The following CSNK1G1 variants were observed in gnomAD, a reference collection of about 807,000 sequenced individuals.
CSNK1G1 encodes the protein casein kinase I isoform gamma-1.
In CSNK1G1, 22 loss-of-function variants were observed where a neutral mutation model predicts 59.6. The ratio of observed to expected loss-of-function variants is 0.37; its 90% CI spans 0.26 to 0.53. The LOEUF (loss-of-function observed/expected upper bound fraction) is 0.53. CSNK1G1 is among the 20% of genes least tolerant of loss of function. The pLI is 0.89. For synonymous variants in CSNK1G1, 179 were observed against 177.1 expected (o/e 1.01, Z -0.08); for missense variants, 384 against 519.5 (o/e 0.74, Z 2.54).
intron 1 of CSNK1G1, among the ~76,000 whole-genome samples, chr15:64,335,119 C>T (rs950078744): frequency 1.3e-5 from 2 of 152,196 alleles, no homozygotes; most frequent in African/African-American, 4.8e-5. Context: ...CATTTCAGAA[C>T]ACATCCTGTG....
At chr15:64,273,367 T>C (rs950513371) in intron 2 of CSNK1G1, among the ~76,000 whole-genome samples, 1 of 152,140 alleles carries the variant, frequency 6.6e-6, no homozygotes, top group Non-Finnish European at 1.5e-5. Context: ...AGAAAGAAGA[T>C]GAATAAAATG....
intron 1 of CSNK1G1, among the ~76,000 whole-genome samples, chr15:64,322,864 T>C (rs566836101): frequency 6.6e-6 from 1 of 151,748 alleles, no homozygotes; most frequent in East Asian, 1.9e-4. Flanking sequence ...ATTATAAAAT[T>C]TAAGATAGAG....
chr15:64,243,655 C>G (rs1438276900), intron 4 of CSNK1G1, among the ~76,000 whole-genome samples: 1 of 152,142 alleles, frequency 6.6e-6, no homozygotes, highest in African/African-American at 2.4e-5. Context: ...AATCCTAAAA[C>G]TGCCACCAAA....
At chr15:64,338,069 A>G (rs1327499940) in intron 1 of CSNK1G1, among the ~76,000 whole-genome samples, 1 of 152,222 alleles carries the variant, frequency 6.6e-6, no homozygotes, top group Non-Finnish European at 1.5e-5. Flanking sequence ...AAGGTACTGT[A>G]CAAACATCTG....
At chr15:64,198,908 C>T (rs1041949881) in intron 10 of CSNK1G1, among the ~76,000 whole-genome samples, 1 of 151,710 alleles carries the variant, frequency 6.6e-6, no homozygotes, top group African/African-American at 2.4e-5. Flanking sequence ...TTTACATCAA[C>T]GTGAAGGAAT....
intron 1 of CSNK1G1, among the ~76,000 whole-genome samples, chr15:64,307,803 C>T (rs536285424): frequency 8.5e-5 from 13 of 152,318 alleles, no homozygotes; most frequent in African/African-American, 2.9e-4. Context: ...TCTCCTGCCT[C>T]AGCCTCCTGA....
chr15:64,185,861 CG>C (rs1302121840), intron 10 of CSNK1G1, among the ~76,000 whole-genome samples: 1 of 118,980 alleles, frequency 8.4e-6, no homozygotes, highest in Non-Finnish European at 1.7e-5. Flanking sequence ...GACTCCATCT[CG>C]AAAAAAAAAA....
At chr15:64,334,708 C>A (rs1897289643) in intron 1 of CSNK1G1, among the ~76,000 whole-genome samples, 1 of 152,160 alleles carries the variant, frequency 6.6e-6, no homozygotes, top group African/African-American at 2.4e-5. Context: ...ATTGATCTGA[C>A]AGGAGGTGGC....
chr15:64,234,185 T>A (rs961028788), intron 4 of CSNK1G1, among the ~76,000 whole-genome samples: 1 of 152,216 alleles, frequency 6.6e-6, no homozygotes, highest in African/African-American at 2.4e-5. Flanking sequence ...ACATTAGTGC[T>A]GCTCAGATAT....
intron 2 of CSNK1G1, among the ~76,000 whole-genome samples, chr15:64,276,067 A>T (rs535573551): frequency 2.1e-4 from 32 of 152,318 alleles, no homozygotes; most frequent in African/African-American, 7.2e-4. Context: ...AACATCTGAA[A>T]GTCTAAAGTG....
chr15:64,191,560 CAATA>C (rs1411702640), intron 10 of CSNK1G1, among the ~76,000 whole-genome samples: 1 of 152,072 alleles, frequency 6.6e-6, no homozygotes, highest in Non-Finnish European at 1.5e-5. Context: ...CATTCTAGTT[CAATA>C]AATAATTTGT....
intron 3 of CSNK1G1, among the ~76,000 whole-genome samples, chr15:64,252,088 C>G (rs1324655397): frequency 2.0e-5 from 3 of 151,256 alleles, no homozygotes; most frequent in African/African-American, 4.9e-5. Context: ...TAGTGAATGT[C>G]TTTCAAAGTA....
At chr15:64,350,304 T>C (rs777297731) in intron 1 of CSNK1G1, among the ~76,000 whole-genome samples, 3 of 151,960 alleles carry the variant, frequency 2.0e-5, no homozygotes, top group East Asian at 1.9e-4. Flanking sequence ...CCATCCTGGC[T>C]AACACGGTGA....
At chr15:64,258,117 T>C (rs994366640) in intron 3 of CSNK1G1, among the ~76,000 whole-genome samples, 1 of 152,042 alleles carries the variant, frequency 6.6e-6, no homozygotes, top group African/African-American at 2.4e-5. Context: ...GTAAGTGCAA[T>C]TCATTAGAAA....
intron 10 of CSNK1G1, among the ~76,000 whole-genome samples, chr15:64,182,539 T>C (rs980241720): frequency 9.2e-5 from 14 of 152,202 alleles, no homozygotes; most frequent in African/African-American, 3.4e-4. Context: ...ACAATATTAA[T>C]TCTGGGGACA....
chr15:64,323,998 C>A (rs1181199238), intron 1 of CSNK1G1, among the ~76,000 whole-genome samples: 1 of 152,100 alleles, frequency 6.6e-6, no homozygotes, highest in Non-Finnish European at 1.5e-5. Flanking sequence ...CTTCCACTAC[C>A]TTATGGATAG....
chr15:64,293,652 C>T (rs1050074610), intron 2 of CSNK1G1, among the ~76,000 whole-genome samples: 1 of 152,194 alleles, frequency 6.6e-6, no homozygotes, highest in African/African-American at 2.4e-5. Context: ...CAGTGCCAGT[C>T]CGTGGCCCTG....
intron 1 of CSNK1G1, among the ~76,000 whole-genome samples, chr15:64,343,155 C>T (rs887745635): frequency 2.7e-4 from 39 of 145,078 alleles, no homozygotes; most frequent in African/African-American, 5.3e-4. Context: ...GAGGTTGCAG[C>T]GAGCTGAGAT....
At chr15:64,262,074 T>C (rs1200731711) in intron 2 of CSNK1G1, among the ~76,000 whole-genome samples, 1 of 152,178 alleles carries the variant, frequency 6.6e-6, no homozygotes, top group Non-Finnish European at 1.5e-5. Context: ...TGATTTTGCA[T>C]GAGCATTGTG....
Sources: allele counts gnomAD v4.1 joint callset (sites outside exome capture counted in the v4.1 genomes callset), GRCh38; gene constraint gnomAD v4.1.1; transcripts MANE v1.5; gene names NCBI Gene and HGNC (gene_info 2026-07-23, HGNC 2026-07-21).